Variants in MINDY2 observed in about 807,000 individuals in gnomAD.
MINDY2 encodes MINDY lysine 48 deubiquitinase 2.
A neutral mutation model predicts 68.2 loss-of-function variants in MINDY2; 52 were observed. The observed-to-expected ratio is 0.76, with a 90% CI of 0.61 to 0.96. The LOEUF is 0.96. MINDY2 is among the 40% of genes least tolerant of loss of function. The pLI is 0.00. For missense variants in MINDY2, 881 were observed against 773.4 expected (o/e 1.14, Z -1.65); for synonymous variants, 372 against 303.0 (o/e 1.23, Z -2.36).
chr15:58,773,966 C>T (rs1900604094), intron 1 of MINDY2, among the ~76,000 whole-genome samples: 1 of 152,154 alleles, frequency 6.6e-6, no homozygotes, highest in African/African-American at 2.4e-5. Flanking sequence ...GTTAGACTTG[C>T]TCTAACGGGC....
At chr15:58,851,116 G>A (rs528740273) in intron 7 of MINDY2, among the ~76,000 whole-genome samples, 1 of 152,022 alleles carries the variant, frequency 6.6e-6, no homozygotes, top group East Asian at 1.9e-4. Context: ...TAGAATTACA[G>A]GTGTGCACCA....
intron 1 of MINDY2, among the ~76,000 whole-genome samples, chr15:58,775,881 G>A (rs1433605550): frequency 5.1e-5 from 7 of 138,056 alleles, no homozygotes; most frequent in African/African-American, 2.0e-4. Context: ...TTTTTTTTGA[G>A]ACAGAGTCTC....
chr15:58,849,118 G>A (rs1488629529), intron 7 of MINDY2, among the ~76,000 whole-genome samples: 6 of 151,976 alleles, frequency 3.9e-5, no homozygotes, highest in Admixed American at 6.5e-5. Context: ...GCTGAGGTGA[G>A]AGAATCACTT....
At chr15:58,797,193 A>G (rs1156598928) in intron 2 of MINDY2, among the ~76,000 whole-genome samples, 1 of 152,238 alleles carries the variant, frequency 6.6e-6, no homozygotes, top group Admixed American at 6.5e-5. Context: ...TCATGTACTA[A>G]GTTAAATAAA....
intron 2 of MINDY2, among the ~76,000 whole-genome samples, chr15:58,791,608 C>T (rs899275259): frequency 7.1e-6 from 1 of 141,658 alleles, no homozygotes; most frequent in African/African-American, 2.6e-5. Context: ...CAGGGCAAGA[C>T]CCTGTCTCAA....
At position 58,857,571 on chromosome 15, in the gene MINDY2, CT is replaced by C. The variant is rs2033102794; in HGVS notation, c.*2964del. The stretch of plus-strand genomic sequence containing the variant: ...AAAAAAAAAATTAGAGCTATTGTGT[CT>C]TTATTTTCTTAAATTTTGCCCAAGG... On this transcript the variant is annotated 3_prime_UTR_variant, in exon 9 of 9. Transcript: ENST00000559228. 1 of 144,428 alleles carries C rather than the reference CT, an allele frequency of 6.9e-6. No individual in the cohort carries two copies. The highest frequency in any genetic ancestry group is 2.5e-5 in the African/African-American group (1 of 39,938). The allele number at this position is 144,428 out of a possible 1,614,324, so 8.9% of individuals were successfully genotyped here. A position where few individuals can be genotyped will look rare whatever the true frequency, so the allele number is the denominator to read the frequency against.
intron 2 of MINDY2, among the ~76,000 whole-genome samples, chr15:58,799,760 A>T (rs759571775): frequency 3.9e-5 from 6 of 152,196 alleles, no homozygotes; most frequent in Non-Finnish European, 8.8e-5. Flanking sequence ...AGAGCCAGAC[A>T]TGGACATGGC....
At chr15:58,833,204 C>A (rs1312306422) in intron 6 of MINDY2, among the ~76,000 whole-genome samples, 1 of 152,216 alleles carries the variant, frequency 6.6e-6, no homozygotes. Flanking sequence ...AGTAGCACTT[C>A]ATGCGTGGGG....
intron 4 of MINDY2, among the ~76,000 whole-genome samples, 154 bp from the exon 5 acceptor site, chr15:58,821,563 G>C (rs1207360107): frequency 6.6e-6 from 1 of 152,092 alleles, no homozygotes; most frequent in Non-Finnish European, 1.5e-5. Context: ...CTTGGAAACT[G>C]TTGGGTGTTG....
intron 1 of MINDY2, among the ~76,000 whole-genome samples, chr15:58,773,109 A>G (rs1265804800): frequency 1.3e-5 from 2 of 149,324 alleles, no homozygotes; most frequent in Non-Finnish European, 2.9e-5. Context: ...ATTGATAATT[A>G]TATCTGTAGA....
intron 5 of MINDY2, among the ~76,000 whole-genome samples, chr15:58,825,834 G>T (rs1341503533): frequency 2.5e-4 from 38 of 152,050 alleles, no homozygotes; most frequent in Non-Finnish European, 8.8e-5. Context: ...TCAAACTCCT[G>T]ACATCAGGTG....
rs2033016283 is a variant in MINDY2, at chr15:58,855,092, C to T, written c.*482C>T. On this transcript the variant is annotated 3_prime_UTR_variant, in exon 9 of 9. Transcript: ENST00000559228. ...GGTTTAACATAGGGATTCAAAAAAA[C>T]AAAAACAAAAGAATAGGAATAAATA... 6.5e-6 allele frequency: 1 copy of T among 153,120 alleles called. No homozygotes were observed. Among genetic ancestry groups the T allele is most frequent in the Non-Finnish European group, 1.5e-5 (1 of 68,484 alleles). 9.5% of individuals were successfully genotyped at this position (153,120 alleles called of 1,614,324 possible).
rs186589534 is a variant in MINDY2, at chr15:58,831,944, G to A, written c.1368+28G>A. ...ATGATATAGAAATAGCTATTTAATC[G>A]TGATTCTAAATCAAAGGAGCTTGAT... On this transcript the variant is annotated intron_variant, in intron 6 of 8. Transcript: ENST00000559228. 48 of 1,588,820 alleles carry A rather than the reference G, an allele frequency of 3.0e-5. No homozygotes were observed. In the Admixed American group the frequency reaches 3.3e-4, roughly 11 times the overall value.
chr15:58,777,939 G>T (rs965619320), intron 1 of MINDY2, among the ~76,000 whole-genome samples: 4 of 151,930 alleles, frequency 2.6e-5, no homozygotes, highest in Non-Finnish European at 5.9e-5. Context: ...GACTATATTT[G>T]ATTTTTAATA....
intron 3 of MINDY2, among the ~76,000 whole-genome samples, chr15:58,802,866 A>G (rs1473399839): frequency 6.6e-6 from 1 of 152,214 alleles, no homozygotes; most frequent in Admixed American, 6.5e-5. Flanking sequence ...CTGTTCTGCA[A>G]TGTAGGAGGT....
chr15:58,821,583 CTGATTTTGTTTTT>C (rs779131249), intron 4 of MINDY2, 121 bp from the exon 5 acceptor site: 3 of 362,804 alleles, frequency 8.3e-6, no homozygotes, highest in Non-Finnish European at 1.4e-5. Flanking sequence ...GATTTTAGTG[CTGATTTTGTTTTT>C]CGTAAATAAT....
chr15:58,842,103 G>C (rs193064833), intron 6 of MINDY2, among the ~76,000 whole-genome samples: 132 of 152,010 alleles, frequency 8.7e-4, no homozygotes, highest in African/African-American at 3.1e-3. Context: ...AATGATATCT[G>C]CATAGCTCTT....
intron 4 of MINDY2, among the ~76,000 whole-genome samples, chr15:58,816,140 A>T (rs1174398053): frequency 1.3e-5 from 2 of 152,210 alleles, no homozygotes; most frequent in Non-Finnish European, 2.9e-5. Flanking sequence ...ACTCTAGGAA[A>T]CCAGAGATCA....
At chr15:58,830,975 T>A (rs1595760718) in intron 5 of MINDY2, among the ~76,000 whole-genome samples, 2 of 151,300 alleles carry the variant, frequency 1.3e-5, no homozygotes, top group African/African-American at 4.9e-5. Context: ...CTTGTAGATA[T>A]GAACTTGCAA....
Sources: gnomAD v4.1 joint callset for allele counts (sites outside exome capture counted in the v4.1 genomes callset) on GRCh38, gnomAD v4.1.1 for gene constraint, MANE v1.5 for transcripts, NCBI Gene and HGNC (gene_info 2026-07-23, HGNC 2026-07-21) for gene names.